Variants in MAGI3 observed in about 807,000 individuals in gnomAD.
The protein encoded by MAGI3 is membrane-associated guanylate kinase, WW and PDZ domain-containing protein 3.
Under a neutral mutation model 121.8 loss-of-function variants are expected in MAGI3, and 43 were observed. That is an observed-to-expected ratio of 0.35 (90% CI 0.28 to 0.46). MAGI3 has a LOEUF of 0.46. Among genes scored for constraint, MAGI3 ranks in the 20% least tolerant of loss-of-function variants. The pLI, the probability that MAGI3 is intolerant of heterozygous loss-of-function variation, is 1.00. For missense variants in MAGI3, 1,547 were observed against 1,797.3 expected (o/e 0.86, Z 2.52); for synonymous variants, 553 against 639.3 (o/e 0.86, Z 2.04).
intron 13 of MAGI3, among the ~76,000 whole-genome samples, chr1:113,650,135 TAG>T (rs1171093874): frequency 1.3e-5 from 2 of 152,200 alleles, no homozygotes; most frequent in Non-Finnish European, 2.9e-5. Flanking sequence ...TATTTCTGAA[TAG>T]AACATTTGAT....
intron 2 of MAGI3, among the ~76,000 whole-genome samples, chr1:113,561,543 G>C (rs1660234610): frequency 1.3e-5 from 2 of 152,050 alleles, no homozygotes; most frequent in African/African-American, 4.8e-5. Flanking sequence ...TGCAGAAAAG[G>C]CCTTTGATAA....
rs74330378 is a variant in MAGI3, at chr1:113,617,579, G to A, written c.1077-2157G>A. Among the ~76,000 whole-genome samples, 9 of 152,014 alleles carry A rather than the reference G, an allele frequency of 5.9e-5. No individual in the cohort carries two copies. The South Asian group carries it at 6.2e-4, about 11-fold the overall frequency. On this transcript the variant is annotated intron_variant, in intron 7 of 20. Coordinates refer to ENST00000307546, the MANE Select transcript of MAGI3 (RefSeq NM_001142782.2). Reference sequence around the variant, plus strand: ...GGAAAAGGATTACTCATTTGCATACGTCTACTCTCCTCTCCCACACATTAC... The same window carrying A: ...GGAAAAGGATTACTCATTTGCATACATCTACTCTCCTCTCCCACACATTAC...
chr1:113,453,648 A>G (rs1654596091), intron 1 of MAGI3, among the ~76,000 whole-genome samples: 1 of 152,256 alleles, frequency 6.6e-6, no homozygotes, highest in Non-Finnish European at 1.5e-5. Flanking sequence ...TGTTTTAAAC[A>G]GGAAATGTAG....
intron 2 of MAGI3, among the ~76,000 whole-genome samples, chr1:113,550,880 G>A (rs1236754859): frequency 6.7e-6 from 1 of 149,796 alleles, no homozygotes; most frequent in Non-Finnish European, 1.5e-5. Context: ...TTAGCTCCCA[G>A]TGCCTTGCAT....
rs761861744 is a variant in MAGI3 at position 113,391,279 on chromosome 1, C to T, written c.246C>T (p.Leu82=). 4.4e-6 allele frequency: 7 copies of T among 1,591,554 alleles called. No individual in the cohort carries two copies. In the South Asian group the frequency reaches 5.7e-5, roughly 13 times the overall value. The change falls in exon 1 of 21, where the codon CTC becomes CTT. Residue 82 remains leucine (L), a synonymous_variant. Transcript: ENST00000307546. The surrounding 1 kb of genome is among the most constrained non-coding windows in gnomAD (Gnocchi z 4.4). Reference sequence around the variant, plus strand: ...TAAACGGGACGCCTGTCAGCGGGCTCACCAACCGGGACACCCTGGCTGTCA... The same window carrying T: ...TAAACGGGACGCCTGTCAGCGGGCTTACCAACCGGGACACCCTGGCTGTCA... ...LEVNGTPVSG[L]TNRDTLAVIR...
chr1:113,425,707 A>G (rs564904247), intron 1 of MAGI3, among the ~76,000 whole-genome samples: 1 of 152,280 alleles, frequency 6.6e-6, no homozygotes, highest in Admixed American at 6.5e-5. Context: ...AATTGTTCAT[A>G]ATATTCCTTT....
intron 1 of MAGI3, among the ~76,000 whole-genome samples, chr1:113,544,838 T>C (rs1361427499): frequency 6.6e-6 from 1 of 152,176 alleles, no homozygotes; most frequent in African/African-American, 2.4e-5. Flanking sequence ...GCTTCTATAA[T>C]CTTGCAATAG....
intron 1 of MAGI3, among the ~76,000 whole-genome samples, chr1:113,481,892 T>A (rs1346628168): frequency 6.6e-6 from 1 of 152,066 alleles, no homozygotes; most frequent in Admixed American, 6.5e-5. Flanking sequence ...TCTGGAGATA[T>A]TAGGGGAAAA....
intron 6 of MAGI3, among the ~76,000 whole-genome samples, chr1:113,601,295 C>T (rs12081134): frequency 0.013 from 1,986 of 152,132 alleles, 15 homozygotes; most frequent in Middle Eastern, 0.017. Flanking sequence ...GCCTACAAAA[C>T]AGGAGAAAAT....
chr1:113,458,265 C>A (rs937141233), intron 1 of MAGI3, among the ~76,000 whole-genome samples: 1 of 152,088 alleles, frequency 6.6e-6, no homozygotes, highest in Non-Finnish European at 1.5e-5. Flanking sequence ...TAGAATTTGA[C>A]TGATGGATTG....
intron 9 of MAGI3, among the ~76,000 whole-genome samples, chr1:113,628,945 T>C (rs1176773177): frequency 6.6e-6 from 1 of 152,154 alleles, no homozygotes; most frequent in Non-Finnish European, 1.5e-5. Flanking sequence ...TGTGCTTGAA[T>C]ATTGGTATCT....
intron 1 of MAGI3, among the ~76,000 whole-genome samples, chr1:113,532,998 G>T (rs1658796659): frequency 6.6e-6 from 1 of 152,126 alleles, no homozygotes; most frequent in Non-Finnish European, 1.5e-5. Flanking sequence ...AAATAAGGTG[G>T]TGTGTGGATT....
chr1:113,391,437 C>T lies in MAGI3; in HGVS notation c.316+88C>T, dbSNP rs1253763180. The T allele has an allele frequency of 7.2e-7, 1 of 1,384,862 alleles. No individual in the cohort carries two copies. Among genetic ancestry groups the T allele is most frequent in the Non-Finnish European group, 9.9e-7 (1 of 1,005,240 alleles). 85.8% of individuals were successfully genotyped at this position (1,384,862 alleles called of 1,614,324 possible). A position where few individuals can be genotyped will look rare whatever the true frequency, so the allele number is the denominator to read the frequency against. On this transcript the variant is annotated intron_variant, in intron 1 of 20. Coordinates refer to ENST00000307546, the MANE Select transcript of MAGI3 (RefSeq NM_001142782.2). This position sits in a 1 kb window ranked among gnomAD's most constrained non-coding sequence, Gnocchi z 4.4. Reference sequence around the variant, plus strand: ...TGGGAGCGGCGGCACCTCCCCACCGCGTATTGTCCCGGGTAATCTTAGACC... The same window carrying T: ...TGGGAGCGGCGGCACCTCCCCACCGTGTATTGTCCCGGGTAATCTTAGACC...
Position 113,604,852 on chromosome 1 carries a change from A to C in MAGI3, c.1019-9749A>C, listed in dbSNP as rs1029625592. On this transcript the variant is annotated intron_variant, in intron 6 of 20. Coordinates refer to ENST00000307546, the MANE Select transcript of MAGI3 (RefSeq NM_001142782.2). ...AGGGTCGGATGGGGGAAGGGATAAA[A>C]ACTACATATTGGGTATAATGTACAC... is the stretch of plus-strand genomic sequence containing the variant. Among the ~76,000 whole-genome samples the C allele has an allele frequency of 4.6e-5, 7 of 151,506 alleles. No individual in the cohort carries two copies. The South Asian group carries it at 1.5e-3, about 32-fold the overall frequency.
intron 19 of MAGI3, among the ~76,000 whole-genome samples, chr1:113,676,503 A>G (rs1647874010): frequency 6.6e-6 from 1 of 152,246 alleles, no homozygotes; most frequent in Admixed American, 6.5e-5. Context: ...AACAAAAGCA[A>G]ATGAGCAATT....
chr1:113,635,513 T>C (rs986442927), intron 9 of MAGI3, among the ~76,000 whole-genome samples: 7 of 152,218 alleles, frequency 4.6e-5, no homozygotes, highest in Non-Finnish European at 8.8e-5. Flanking sequence ...GTTCTGTTTA[T>C]ATGCTGGATT....
intron 9 of MAGI3, among the ~76,000 whole-genome samples, chr1:113,640,514 T>C (rs1327422480): frequency 6.6e-6 from 1 of 151,988 alleles, no homozygotes; most frequent in Non-Finnish European, 1.5e-5. Context: ...ATAAGGAAAA[T>C]GTGGTATATA....
intron 16 of MAGI3, among the ~76,000 whole-genome samples, chr1:113,668,144 TGACACAGAGACATGA>T (rs1384890624): frequency 1.3e-5 from 2 of 152,098 alleles, no homozygotes; most frequent in African/African-American, 4.8e-5. Flanking sequence ...TACCAAAATG[TGACACAGAGACATGA>T]AAGTGAGCAC....
intron 1 of MAGI3, among the ~76,000 whole-genome samples, chr1:113,540,225 A>C (rs184436455): frequency 4.3e-4 from 65 of 152,352 alleles, no homozygotes; most frequent in Non-Finnish European, 8.7e-4. Flanking sequence ...ACATTATTTA[A>C]AATGTCATTT....
Sources: gnomAD v4.1 joint callset for allele counts (sites outside exome capture counted in the v4.1 genomes callset) on GRCh38, gnomAD v4.1.1 for gene constraint, Gnocchi (gnomAD v3.1) non-coding constraint, MANE v1.5 for transcripts, NCBI Gene and HGNC (gene_info 2026-07-23, HGNC 2026-07-21) for gene names.